Variants in ZBTB16 observed in about 807,000 individuals in gnomAD.
The protein encoded by ZBTB16 is zinc finger and BTB domain-containing protein 16.
ZBTB16 carries 8 observed loss-of-function variants against 56.8 expected under a neutral mutation model. The ratio of observed to expected loss-of-function variants is 0.14; its 90% confidence interval spans 0.08 to 0.25. ZBTB16 has a LOEUF of 0.25. Ranked by LOEUF, ZBTB16 falls within the 10% of genes least tolerant of loss-of-function variation. The pLI, the probability that ZBTB16 is intolerant of heterozygous loss-of-function variation, is 1.00. For missense variants in ZBTB16, 625 were observed against 903.0 expected, an observed-to-expected ratio of 0.69 and a Z score of 3.95; for synonymous variants, 363 against 368.5, an observed-to-expected ratio of 0.98 and a Z score of 0.17.
chr11:114,201,483 C>T (rs1943736115), intron 4 of ZBTB16, among the ~76,000 whole-genome samples: 1 of 152,206 alleles, frequency 6.6e-6, no homozygotes, highest in African/African-American at 2.4e-5. Flanking sequence ...GTGGCAAATG[C>T]TCAGAAACCC....
intron 2 of ZBTB16, among the ~76,000 whole-genome samples, chr11:114,088,342 A>C (rs1940041081): frequency 6.6e-6 from 1 of 152,024 alleles, no homozygotes. Context: ...CGGTTTCGCC[A>C]TGCTGGCCAG....
At chr11:114,234,443 C>T (rs1944519819) in intron 4 of ZBTB16, among the ~76,000 whole-genome samples, 1 of 152,226 alleles carries the variant, frequency 6.6e-6, no homozygotes, top group Non-Finnish European at 1.5e-5. Flanking sequence ...TTGTCTCCCA[C>T]TCACCAGCAG....
chr11:114,216,658 G>A (rs1409810425), intron 4 of ZBTB16, among the ~76,000 whole-genome samples: 1 of 152,188 alleles, frequency 6.6e-6, no homozygotes, highest in Non-Finnish European at 1.5e-5. Flanking sequence ...ACTTACAGGA[G>A]ACTGGAGATG....
chr11:114,150,497 G>A (rs1942255060), intron 2 of ZBTB16, among the ~76,000 whole-genome samples: 1 of 152,136 alleles, frequency 6.6e-6, no homozygotes, highest in Admixed American at 6.5e-5. Context: ...AAAAAAGAAA[G>A]TACAGGAGAA....
intron 2 of ZBTB16, among the ~76,000 whole-genome samples, chr11:114,079,136 C>T (rs553415454): frequency 5.5e-4 from 84 of 151,686 alleles, no homozygotes; most frequent in African/African-American, 1.9e-3. Context: ...GAAGGAGGCA[C>T]CCTGGATGAA....
chr11:114,090,971 GGGCTA>G (rs1459979197), intron 2 of ZBTB16, among the ~76,000 whole-genome samples: 3 of 152,146 alleles, frequency 2.0e-5, no homozygotes, highest in African/African-American at 7.2e-5. Flanking sequence ...CCCTAAGGTG[GGGCTA>G]GTGCAAATCG....
chr11:114,096,575 A>G (rs543111155), intron 2 of ZBTB16, among the ~76,000 whole-genome samples: 2 of 152,194 alleles, frequency 1.3e-5, no homozygotes, highest in Admixed American at 1.3e-4. Context: ...TCGTTGTCTC[A>G]TAAGTGTGCA....
At chr11:114,211,948 C>T (rs543363453) in intron 4 of ZBTB16, among the ~76,000 whole-genome samples, 9 of 152,310 alleles carry the variant, frequency 5.9e-5, no homozygotes, top group East Asian at 1.9e-4. Context: ...TAAACCCCAA[C>T]GCTGGGGCGA....
At chr11:114,110,267 A>G (rs1940956891) in intron 2 of ZBTB16, among the ~76,000 whole-genome samples, 1 of 152,100 alleles carries the variant, frequency 6.6e-6, no homozygotes, top group African/African-American at 2.4e-5. Flanking sequence ...ACGGTCAAAG[A>G]TCAGTCACAG....
chr11:114,091,466 G>A (rs181572929), intron 2 of ZBTB16, among the ~76,000 whole-genome samples: 21 of 152,054 alleles, frequency 1.4e-4, no homozygotes, highest in Admixed American at 1.4e-3. Context: ...ATAAATGCTG[G>A]TGCTCGGTGG....
Position 114,250,589 on chromosome 11 carries a change from G to A in ZBTB16, c.*34G>A. On this transcript the variant is annotated 3_prime_UTR_variant, in exon 7 of 7. Transcript: ENST00000335953. This position sits in a 1 kb window ranked among gnomAD's most constrained non-coding sequence, Gnocchi z 6.0. ...CCGCGGCGGTGGAGCCGAGCGGGGA[G>A]CCAGGAAAGAAGAGTTGGAGTGAGA... 6.2e-7 allele frequency: 1 copy of A among 1,608,298 alleles called. No individual in the cohort carries two copies. The highest frequency in any genetic ancestry group is 8.5e-7 in the Non-Finnish European group (1 of 1,175,220).
chr11:114,073,053 CAAAA>C (rs11349665), intron 2 of ZBTB16, among the ~76,000 whole-genome samples: 2 of 69,974 alleles, frequency 2.9e-5, no homozygotes, highest in Non-Finnish European at 6.2e-5. Flanking sequence ...GAGACTGTCT[CAAAA>C]AAAAAAAAAA....
In ZBTB16 at chr11:114,181,733, G is replaced by A. The variant is rs542121543; in HGVS notation, c.1367-5219G>A. ...ACCTCTAGATCCTGCTATTTTTCTC[G>A]GTTTGCTTGGATCTGTGATTGCTGT... On this transcript the variant is annotated intron_variant, in intron 3 of 6. Transcript: ENST00000335953. Among the ~76,000 whole-genome samples, 51 of 152,244 alleles carry A rather than the reference G, an allele frequency of 3.3e-4. 1 individual carries two copies. Among genetic ancestry groups the A allele is most frequent in the African/African-American group, 1.1e-3 (47 of 41,532 alleles).
intron 6 of ZBTB16, 21 bp downstream of exon 6, chr11:114,247,386 G>A: frequency 6.2e-7 from 1 of 1,614,000 alleles, no homozygotes; most frequent in Non-Finnish European, 8.5e-7. Context: ...CCAGGGAGGG[G>A]CCTGAGCTGG....
At chr11:114,130,481 T>G (rs1305430221) in intron 2 of ZBTB16, among the ~76,000 whole-genome samples, 1 of 152,256 alleles carries the variant, frequency 6.6e-6, no homozygotes, top group Non-Finnish European at 1.5e-5. Context: ...AATTCATAAG[T>G]GTCAGCATCG....
In ZBTB16 at chr11:114,063,110, G is replaced by T. The variant is rs1162220596; in HGVS notation, c.-90-101G>T. 2 of 631,636 alleles carry T rather than the reference G, an allele frequency of 3.2e-6. No individual in the cohort carries two copies. Among genetic ancestry groups the T allele is most frequent in the African/African-American group, 3.7e-5 (2 of 54,664 alleles). 39.1% of individuals were successfully genotyped at this position (631,636 alleles called of 1,614,324 possible). A position where few individuals can be genotyped will look rare whatever the true frequency, so the allele number is the denominator to read the frequency against. On this transcript the variant is annotated intron_variant, in intron 1 of 6. Coordinates refer to ENST00000335953, the MANE Select transcript of ZBTB16 (RefSeq NM_006006.6). The surrounding 1 kb of genome is among the most constrained non-coding windows in gnomAD (Gnocchi z 6.5). ...CTAAGGGCTTGGCAACAGGGAGGAG[G>T]GGGCATGTTGTAGTGGTTGAATTCT...
chr11:114,219,417 G>C (rs1483995297), intron 4 of ZBTB16, among the ~76,000 whole-genome samples: 2 of 152,188 alleles, frequency 1.3e-5, no homozygotes, highest in African/African-American at 2.4e-5. Flanking sequence ...AGGGGTCTGA[G>C]TGGGTGGCTG....
intron 3 of ZBTB16, among the ~76,000 whole-genome samples, chr11:114,169,638 A>G (rs1942897375): frequency 2.0e-5 from 3 of 152,174 alleles, no homozygotes; most frequent in African/African-American, 7.2e-5. Context: ...CCTTGTCTGC[A>G]AGAAGCTGGT....
intron 3 of ZBTB16, among the ~76,000 whole-genome samples, chr11:114,158,022 G>T (rs1474282906): frequency 1.3e-5 from 2 of 152,058 alleles, no homozygotes; most frequent in Non-Finnish European, 2.9e-5. Flanking sequence ...CTGTTTTAGG[G>T]ACTTACACCT....
Sources: allele counts gnomAD v4.1 joint callset (sites outside exome capture counted in the v4.1 genomes callset), GRCh38; gene constraint gnomAD v4.1.1; non-coding constraint Gnocchi (gnomAD v3.1); transcripts MANE v1.5; gene names NCBI Gene and HGNC (gene_info 2026-07-23, HGNC 2026-07-21).